STAT4: variants seen among roughly 807,000 people sequenced by gnomAD.
The protein encoded by STAT4 is signal transducer and activator of transcription 4.
STAT4 carries 42 observed loss-of-function variants against 110.5 expected under a neutral mutation model. That is an observed-to-expected ratio of 0.38 (90% CI 0.30 to 0.49). STAT4 has a LOEUF of 0.49. STAT4 is among the 20% of genes least tolerant of loss of function. STAT4 has a pLI of 0.95. For missense variants in STAT4, 632 were observed against 887.9 expected, an observed-to-expected ratio of 0.71 and a Z score of 3.66; for synonymous variants, 284 against 302.2, an observed-to-expected ratio of 0.94 and a Z score of 0.63.
rs1400655 is a variant in STAT4, at chr2:191,050,989, G to C, written c.1251+3501C>G. ...TCATTTAATAACTATCTGATACAAA[G>C]TCTTACAACCAAAAAGTAGAATGGA... On this transcript the variant is annotated intron_variant, in intron 14 of 23. Transcript: ENST00000392320. This position sits in a 1 kb window ranked among gnomAD's most constrained non-coding sequence, Gnocchi z 4.3. 0.79 allele frequency among the ~76,000 whole-genome samples: 119,697 copies of C among 152,210 alleles called. 51,431 individuals carry two copies. The highest frequency in any genetic ancestry group is 0.95 in the Non-Finnish European group (64,295 of 68,030).
rs1696852763 is a variant in STAT4 at position 191,061,635 on chromosome 2, C to A, written c.1034+94G>T. 3 of 1,174,132 alleles carry A rather than the reference C, an allele frequency of 2.6e-6. No homozygotes were observed. The highest frequency in any genetic ancestry group is 1.5e-5 in the African/African-American group (1 of 66,158). The allele number at this position is 1,174,132 out of a possible 1,614,324, so 72.7% of individuals were successfully genotyped here. On this transcript the variant is annotated intron_variant, in intron 10 of 23. Coordinates refer to ENST00000392320, the MANE Select transcript of STAT4 (RefSeq NM_003151.4). The surrounding 1 kb of genome is among the most constrained non-coding windows in gnomAD (Gnocchi z 6.2). ...CAGCAGATGGTTCAATAAAGAACAG[C>A]TGAATGCAAGCCACAATGAGAGAAA...
Position 191,059,095 on chromosome 2 carries a change from G to A in STAT4, c.1035-326C>T, listed in dbSNP as rs1395260841. ...ATATTTTGGCTAAAGCTCAAATGTGGGTTAAATGTACAGATATAAAAAAAT... is the reference window on the plus strand; with the variant it reads ...ATATTTTGGCTAAAGCTCAAATGTGAGTTAAATGTACAGATATAAAAAAAT... On this transcript the variant is annotated intron_variant, in intron 10 of 23. Coordinates refer to ENST00000392320, the MANE Select transcript of STAT4 (RefSeq NM_003151.4). The surrounding 1 kb of genome is among the most constrained non-coding windows in gnomAD (Gnocchi z 4.7). Among the ~76,000 whole-genome samples, 1 of 151,892 alleles carries A rather than the reference G, an allele frequency of 6.6e-6. No homozygotes were observed. The highest frequency in any genetic ancestry group is 1.5e-5 in the Non-Finnish European group (1 of 67,962).
rs535760274 is a variant in STAT4, at chr2:191,066,783, G to C, written c.545-268C>G. Among the ~76,000 whole-genome samples, 22 of 152,270 alleles carry C rather than the reference G, an allele frequency of 1.4e-4. No homozygotes were observed. Among genetic ancestry groups the C allele is most frequent in the African/African-American group, 5.1e-4 (21 of 41,542 alleles). ...TTTGTTTTGTTTTGTTTTGGTGGTG[G>C]TGGACAGAGGAGATAAAGTTGCTGT... On this transcript the variant is annotated intron_variant, in intron 6 of 23. Transcript: ENST00000392320. The surrounding 1 kb of genome is among the most constrained non-coding windows in gnomAD (Gnocchi z 4.3).
chr2:191,063,975 A>G (rs1243272323), intron 8 of STAT4, among the ~76,000 whole-genome samples: 2 of 152,084 alleles, frequency 1.3e-5, no homozygotes, highest in African/African-American at 4.8e-5. Flanking sequence ...TTTCTTTTTC[A>G]TATTTTCCAA....
rs184255270 is a variant in STAT4 at position 191,071,546 on chromosome 2, T to G, written c.465+1552A>C. ...AAAAGTGTATTAAACCAATGCCAGA[T>G]CTCTGAAAAGTCAATGCTATGGTAA... is the stretch of plus-strand genomic sequence containing the variant. On this transcript the variant is annotated intron_variant, in intron 5 of 23. Transcript: ENST00000392320. 2.4e-4 allele frequency among the ~76,000 whole-genome samples: 36 copies of G among 152,328 alleles called. No individual in the cohort carries two copies. The East Asian group carries it at 6.7e-3, about 29-fold the overall frequency.
In STAT4 at chr2:191,061,970, C is replaced by T. The variant is rs774048329; in HGVS notation, c.942-149G>A. 7 of 684,284 alleles carry T rather than the reference C, an allele frequency of 1.0e-5. No individual in the cohort carries two copies. The highest frequency in any genetic ancestry group is 1.8e-5 in the Non-Finnish European group (7 of 392,048). The allele number at this position is 684,284 out of a possible 1,614,324, so 42.4% of individuals were successfully genotyped here. A position where few individuals can be genotyped will look rare whatever the true frequency, so the allele number is the denominator to read the frequency against. On this transcript the variant is annotated intron_variant, in intron 9 of 23. Coordinates refer to ENST00000392320, the MANE Select transcript of STAT4 (RefSeq NM_003151.4). The surrounding 1 kb of genome is among the most constrained non-coding windows in gnomAD (Gnocchi z 6.2). Reference sequence around the variant, plus strand: ...ACCCCCAATTAAACTCAAATCTTTACAATGACTTTTTATAAATCATTTCAC... The same window carrying T: ...ACCCCCAATTAAACTCAAATCTTTATAATGACTTTTTATAAATCATTTCAC...
Position 191,147,798 on chromosome 2 carries a change from C to A in STAT4, c.128+278G>T, listed in dbSNP as rs978469377. Among the ~76,000 whole-genome samples, 1 of 151,964 alleles carries A rather than the reference C, an allele frequency of 6.6e-6. No homozygotes were observed. The highest frequency in any genetic ancestry group is 2.4e-5 in the African/African-American group (1 of 41,370). ...GAGTCTGTGATAGAGAACTGACAAT[C>A]AATTGATTTGCTTCTTTTTTTAATA... On this transcript the variant is annotated intron_variant, in intron 2 of 23. Transcript: ENST00000392320. The surrounding 1 kb of genome is among the most constrained non-coding windows in gnomAD (Gnocchi z 4.1).
In STAT4 at chr2:191,033,475, T is replaced by G; in HGVS notation, c.1852+15A>C. The G allele has an allele frequency of 6.3e-7, 1 of 1,590,800 alleles. No individual in the cohort carries two copies. Among genetic ancestry groups the G allele is most frequent in the Non-Finnish European group, 8.5e-7 (1 of 1,173,776 alleles). ...AAAACTAATTTCACATGAATAAACA[T>G]TAGTGAGTATATACCACTTTCAGAA... is the stretch of plus-strand genomic sequence containing the variant. On this transcript the variant is annotated intron_variant, in intron 20 of 23. Transcript: ENST00000392320. This position sits in a 1 kb window ranked among gnomAD's most constrained non-coding sequence, Gnocchi z 6.9.
rs1408441328 is a variant in STAT4 at position 191,150,928 on chromosome 2, G to T, written c.-2+19C>A. 1 of 985,492 alleles carries T rather than the reference G, an allele frequency of 1.0e-6. No homozygotes were observed. The allele number at this position is 985,492 out of a possible 1,614,324, so 61.0% of individuals were successfully genotyped here. A position where few individuals can be genotyped will look rare whatever the true frequency, so the allele number is the denominator to read the frequency against. The stretch of plus-strand genomic sequence containing the variant: ...CCTCCTTACAAGAGGCAGCCAGAAG[G>T]TGTGGTCTGGCCACTTACCTAGCGC... On this transcript the variant is annotated intron_variant, in intron 1 of 23. Transcript: ENST00000392320. The surrounding 1 kb of genome is among the most constrained non-coding windows in gnomAD (Gnocchi z 6.4).
At chr2:191,056,779 A>ATTTTT (rs34775786) in intron 13 of STAT4, among the ~76,000 whole-genome samples, 1 of 94,516 alleles carries the variant, frequency 1.1e-5, no homozygotes. Flanking sequence ...CTTCTACACT[A>ATTTTT]TTTTTTTTTT....
At chr2:191,054,694 TGACA>T (rs1401611820) in intron 13 of STAT4, among the ~76,000 whole-genome samples, 160 bp from the exon 14 acceptor site, 1 of 152,232 alleles carries the variant, frequency 6.6e-6, no homozygotes, top group Non-Finnish European at 1.5e-5. Context: ...TGCCCAGATT[TGACA>T]GAGAGGAGTT....
rs756285240 is a variant in STAT4, at chr2:191,066,420, C to A, written c.630+10G>T. The A allele has an allele frequency of 1.7e-5, 28 of 1,611,318 alleles. No homozygotes were observed. Among genetic ancestry groups the A allele is most frequent in the Non-Finnish European group, 2.2e-5 (26 of 1,178,242 alleles). On this transcript the variant is annotated intron_variant, in intron 7 of 23. Transcript: ENST00000392320. The surrounding 1 kb of genome is among the most constrained non-coding windows in gnomAD (Gnocchi z 4.3). ...ATAGGCAAAAGCCCAAATTAAAATT[C>A]TTCACTAACCTTTCTCTTGAAATCG...
rs77542185 is a variant in STAT4, at chr2:191,108,729, G to A, written c.274-32404C>T. 1.5e-3 allele frequency among the ~76,000 whole-genome samples: 223 copies of A among 152,338 alleles called. 6 individuals carry two copies. In the East Asian group the frequency reaches 0.037, roughly 26 times the overall value. On this transcript the variant is annotated intron_variant, in intron 3 of 23. Transcript: ENST00000392320. The stretch of plus-strand genomic sequence containing the variant: ...GAAAACAAGTGCATGCTCTGGGACC[G>A]TGATTCTGTGGTTGGGCCTGACGGA...
rs1241427569 is a variant in STAT4, at chr2:191,030,416, A to C, written c.2221-550T>G. ...CCCAAATAACATTATTGCATTAAAGATTATGACTCATTTCTCAAAAAGGAG... is the reference window on the plus strand; with the variant it reads ...CCCAAATAACATTATTGCATTAAAGCTTATGACTCATTTCTCAAAAAGGAG... On this transcript the variant is annotated intron_variant, in intron 23 of 23. Transcript: ENST00000392320. This position sits in a 1 kb window ranked among gnomAD's most constrained non-coding sequence, Gnocchi z 4.4. Among the ~76,000 whole-genome samples the C allele has an allele frequency of 6.6e-6, 1 of 152,222 alleles. No individual in the cohort carries two copies. The highest frequency in any genetic ancestry group is 2.4e-5 in the African/African-American group (1 of 41,460).
chr2:191,129,290 C>A (rs961641727), intron 3 of STAT4, among the ~76,000 whole-genome samples: 2 of 152,072 alleles, frequency 1.3e-5, no homozygotes, highest in Admixed American at 6.6e-5. Context: ...TTTAGATGGA[C>A]TTTTAAAAAT....
rs1486396549 is a variant in STAT4 at position 191,091,798 on chromosome 2, C to T, written c.274-15473G>A. Among the ~76,000 whole-genome samples the T allele has an allele frequency of 2.0e-5, 3 of 152,196 alleles. No homozygotes were observed. The highest frequency in any genetic ancestry group is 2.9e-5 in the Non-Finnish European group (2 of 68,020). ...AAAGAACTGTTAAGTAACTTTAAGC[C>T]GGTATTCACTTTGACTCCAGAGTGT... On this transcript the variant is annotated intron_variant, in intron 3 of 23. Coordinates refer to ENST00000392320, the MANE Select transcript of STAT4 (RefSeq NM_003151.4). This position sits in a 1 kb window ranked among gnomAD's most constrained non-coding sequence, Gnocchi z 5.4.
In STAT4 at chr2:191,138,351, C is replaced by T. The variant is rs1211516528; in HGVS notation, c.273+8262G>A. 6.6e-6 allele frequency among the ~76,000 whole-genome samples: 1 copy of T among 151,830 alleles called. No homozygotes were observed. The highest frequency in any genetic ancestry group is 1.5e-5 in the Non-Finnish European group (1 of 67,958). ...TATTTGAAAAGATAATATTGATAGA[C>T]CATTAGTGAGATTAACCAAAAAAAG... On this transcript the variant is annotated intron_variant, in intron 3 of 23. Coordinates refer to ENST00000392320, the MANE Select transcript of STAT4 (RefSeq NM_003151.4). The surrounding 1 kb of genome is among the most constrained non-coding windows in gnomAD (Gnocchi z 4.3).
chr2:191,093,334 G>A (rs1697860200), intron 3 of STAT4, among the ~76,000 whole-genome samples: 1 of 152,166 alleles, frequency 6.6e-6, no homozygotes, highest in Non-Finnish European at 1.5e-5. Context: ...TGCCCCTCTG[G>A]GATGAAGCTT....
chr2:191,139,256 G>A (rs1472915360), intron 3 of STAT4, among the ~76,000 whole-genome samples: 2 of 151,446 alleles, frequency 1.3e-5, no homozygotes, highest in East Asian at 1.9e-4. Flanking sequence ...CAGAGCAATC[G>A]ACAAGAGAAA....
Sources: allele counts gnomAD v4.1 joint callset (sites outside exome capture counted in the v4.1 genomes callset), GRCh38; gene constraint gnomAD v4.1.1; non-coding constraint Gnocchi (gnomAD v3.1); transcripts MANE v1.5; gene names NCBI Gene and HGNC (gene_info 2026-07-23, HGNC 2026-07-21).